Variants in HERC1 observed in about 807,000 individuals in gnomAD.
The protein encoded by HERC1 is probable E3 ubiquitin-protein ligase HERC1.
In HERC1, 160 loss-of-function variants were observed where a neutral mutation model predicts 554.3. The ratio of observed to expected loss-of-function variants is 0.29; its 90% CI spans 0.25 to 0.33. HERC1 has a LOEUF of 0.33. HERC1 is among the 10% of genes least tolerant of loss of function. The pLI, the probability that HERC1 is intolerant of heterozygous loss-of-function variation, is 1.00. For synonymous variants in HERC1, 2,175 were observed against 2,131.7 expected (o/e 1.02, Z -0.56); for missense variants, 4,919 against 5,918.5 (o/e 0.83, Z 5.54).
intron 21 of HERC1, among the ~76,000 whole-genome samples, chr15:63,717,159 T>C (rs540785690): frequency 2.0e-5 from 3 of 152,348 alleles, no homozygotes; most frequent in Admixed American, 2.0e-4. Flanking sequence ...GACCATTAAA[T>C]AATTTAAGAC....
chr15:63,692,350 A>C lies in HERC1; in HGVS notation c.5830+61T>G, dbSNP rs2072160979. 9.1e-6 allele frequency: 12 copies of C among 1,324,454 alleles called. No individual in the cohort carries two copies. The highest frequency in any genetic ancestry group is 1.2e-5 in the Non-Finnish European group (12 of 979,010). 82.0% of individuals were successfully genotyped at this position (1,324,454 alleles called of 1,614,324 possible). Reference sequence around the variant, plus strand: ...TGGAGTGTTGCTAAAGTCTGGCATTATCTTAATAAAATGCAAGTAATATCT... The same window carrying C: ...TGGAGTGTTGCTAAAGTCTGGCATTCTCTTAATAAAATGCAAGTAATATCT... On this transcript the variant is annotated intron_variant, in intron 31 of 77. Coordinates refer to ENST00000443617, the MANE Select transcript of HERC1 (RefSeq NM_003922.4). This position sits in a 1 kb window ranked among gnomAD's most constrained non-coding sequence, Gnocchi z 4.7.
At chr15:63,752,871 C>A in intron 8 of HERC1, 87 bp downstream of exon 8, 1 of 1,253,946 alleles carries the variant, frequency 8.0e-7, no homozygotes, top group Admixed American at 2.3e-5. Context: ...TTTATTTGAA[C>A]TTTAAAATTT....
chr15:63,799,176 A>T (rs978544139), intron 1 of HERC1, among the ~76,000 whole-genome samples: 2 of 152,110 alleles, frequency 1.3e-5, no homozygotes, highest in African/African-American at 4.8e-5. Context: ...CTCTTTCCTC[A>T]GTTCAGTTCT....
intron 23 of HERC1, 53 bp from the exon 24 acceptor site, chr15:63,712,948 C>T: frequency 6.5e-7 from 1 of 1,532,008 alleles, no homozygotes; most frequent in South Asian, 1.2e-5. Flanking sequence ...TGTTAGTGAA[C>T]ATAAAATTGA....
At chr15:63,725,211 A>G in intron 18 of HERC1, 81 bp downstream of exon 18, 3 of 1,252,830 alleles carry the variant, frequency 2.4e-6, no homozygotes, top group South Asian at 2.8e-5. Context: ...TCAGTTCTCT[A>G]TTTAGCAAAT....
chr15:63,609,317 G>C, intron 77 of HERC1, 51 bp from the exon 78 acceptor site: 1 of 1,511,136 alleles, frequency 6.6e-7, no homozygotes. Context: ...GTGCCATAAG[G>C]GGGAGTGGGG....
rs1169811763 is a variant in HERC1 at position 63,756,648 on chromosome 15, T to C, written c.1322A>G (p.Asn441Ser). ...SYGRLGLGDS[N>S]NQSTLKKLTF... ...TAACTTTTTTAAAGTTGACTGATTATTGGAGTCTCCAAGGCCCAGTCTCCC... is the reference window on the plus strand; with the variant it reads ...TAACTTTTTTAAAGTTGACTGATTACTGGAGTCTCCAAGGCCCAGTCTCCC... Residue 441 changes from asparagine (N) to serine (S), a missense_variant, in exon 5 of 78, where the codon AAT becomes AGT. Asn to Ser is a conservative substitution (Grantham distance 46). Around this residue, in one of 11 missense-constraint regions of HERC1, gnomAD observed 744 missense variants for 1,090.0 expected, o/e 0.68. Coordinates refer to ENST00000443617, the MANE Select transcript of HERC1 (RefSeq NM_003922.4). The surrounding 1 kb of genome is among the most constrained non-coding windows in gnomAD (Gnocchi z 5.0). 4.3e-6 allele frequency: 7 copies of C among 1,613,340 alleles called. No homozygotes were observed. The highest frequency in any genetic ancestry group is 1.3e-5 in the African/African-American group (1 of 74,934).
chr15:63,623,897 A>AAGAAAGGG lies in HERC1; in HGVS notation c.13446-15_13446-8dup. The AAGAAAGGG allele has an allele frequency of 6.2e-7, 1 of 1,613,248 alleles. No homozygotes were observed. The highest frequency in any genetic ancestry group is 8.5e-7 in the Non-Finnish European group (1 of 1,179,378). On this transcript the variant is annotated splice_region_variant and splice_polypyrimidine_tract_variant and intron_variant, in intron 72 of 77. Transcript: ENST00000443617. ...AGGCTTACACTTCCGTCCTCTTTAAAAGAAAGGGAGAAAGCAATGAAATAC... is the reference window on the plus strand; with the variant it reads ...AGGCTTACACTTCCGTCCTCTTTAAAAGAAAGGGAGAAAGGGAGAAAGCAATGAAATAC...
chr15:63,821,521 A>G (rs1596326013), intron 1 of HERC1, among the ~76,000 whole-genome samples: 1 of 145,928 alleles, frequency 6.9e-6, no homozygotes, highest in Non-Finnish European at 1.5e-5. Flanking sequence ...GTACCACTGC[A>G]CTCCAGCCTG....
intron 15 of HERC1, 37 bp downstream of exon 15, chr15:63,729,460 C>T (rs1367350608): frequency 1.2e-6 from 2 of 1,605,938 alleles, no homozygotes; most frequent in African/African-American, 2.7e-5. Flanking sequence ...TTTCAAGGTC[C>T]CTGATAGATC....
chr15:63,616,256 T>C (rs2067813056), intron 75 of HERC1, among the ~76,000 whole-genome samples, 174 bp downstream of exon 75: 1 of 110,864 alleles, frequency 9.0e-6, no homozygotes, highest in Admixed American at 8.8e-5. Flanking sequence ...CCTGCTCTAT[T>C]AGAAGCTGTT....
intron 8 of HERC1, among the ~76,000 whole-genome samples, chr15:63,750,007 T>C (rs1041627596): frequency 2.6e-5 from 4 of 152,154 alleles, no homozygotes; most frequent in Admixed American, 2.0e-4. Context: ...GATCTGAAAA[T>C]AAAAATAACT....
At chr15:63,812,990 T>C (rs1053974655) in intron 1 of HERC1, among the ~76,000 whole-genome samples, 2 of 152,116 alleles carry the variant, frequency 1.3e-5, no homozygotes, top group Non-Finnish European at 2.9e-5. Flanking sequence ...AAATTTTAAG[T>C]GGAAAGAGTA....
Position 63,734,732 on chromosome 15 carries a change from T to C in HERC1, c.2638A>G (p.Lys880Glu). The C allele has an allele frequency of 6.4e-7, 1 of 1,562,044 alleles. No individual in the cohort carries two copies. Among genetic ancestry groups the C allele is most frequent in the Non-Finnish European group, 8.6e-7 (1 of 1,161,056 alleles). ...QGPDRWESLS[K>E]GQRMQLDIIL... is the part of the protein sequence containing the mutation. ...AGCAAGCAAAGGCCTACCTGTCCTTTAGATAAGCTTTCCCATCTATCAGGT... is the reference window on the plus strand; with the variant it reads ...AGCAAGCAAAGGCCTACCTGTCCTTCAGATAAGCTTTCCCATCTATCAGGT... The change falls in exon 13 of 78, where the codon AAA becomes GAA. Residue 880 changes from lysine (K) to glutamate (E), a missense_variant. Transcript: ENST00000443617. This position sits in a 1 kb window ranked among gnomAD's most constrained non-coding sequence, Gnocchi z 4.6.
At chr15:63,817,700 G>A (rs1030861692) in intron 1 of HERC1, among the ~76,000 whole-genome samples, 1 of 152,142 alleles carries the variant, frequency 6.6e-6, no homozygotes, top group Non-Finnish European at 1.5e-5. Context: ...GGGTGACACA[G>A]CGAGACTCTG....
At chr15:63,669,475 A>G in intron 40 of HERC1, 63 bp downstream of exon 40, 3 of 1,486,548 alleles carry the variant, frequency 2.0e-6, no homozygotes, top group Non-Finnish European at 9.3e-7. Flanking sequence ...ATGCCCACAT[A>G]ATAAAGTCCC....
intron 48 of HERC1, among the ~76,000 whole-genome samples, chr15:63,658,149 T>C (rs992686011): frequency 1.3e-5 from 2 of 152,180 alleles, no homozygotes; most frequent in Admixed American, 1.3e-4. Context: ...TCATCCCCTT[T>C]TTACATTACA....
chr15:63,648,219 A>G lies in HERC1; in HGVS notation c.10748-20T>C. The stretch of plus-strand genomic sequence containing the variant: ...CAGACACTAACATGATCAAAACAAA[A>G]GAGTAAGGAAAAGATAATTATTTGT... On this transcript the variant is annotated intron_variant, in intron 54 of 77. Coordinates refer to ENST00000443617, the MANE Select transcript of HERC1 (RefSeq NM_003922.4). 5.7e-6 allele frequency: 9 copies of G among 1,587,468 alleles called. No homozygotes were observed. Among genetic ancestry groups the G allele is most frequent in the African/African-American group, 1.3e-5 (1 of 74,612 alleles).
chr15:63,733,579 G>A (rs539575059), intron 13 of HERC1, among the ~76,000 whole-genome samples: 10 of 152,294 alleles, frequency 6.6e-5, no homozygotes, highest in African/African-American at 1.9e-4. Context: ...TAGGCTGGGC[G>A]CAGTGGCTCA....
Sources: gnomAD v4.1 joint callset for allele counts (sites outside exome capture counted in the v4.1 genomes callset) on GRCh38, gnomAD v4.1.1 for gene constraint, gnomAD v4.1.1 regional missense constraint, Gnocchi (gnomAD v3.1) non-coding constraint, MANE v1.5 for transcripts, NCBI Gene and HGNC (gene_info 2026-07-23, HGNC 2026-07-21) for gene names.